TMTC3: variants seen among roughly 807,000 people sequenced by gnomAD.
The protein encoded by TMTC3 is protein O-mannosyl-transferase TMTC3.
Under a neutral mutation model 92.2 loss-of-function variants are expected in TMTC3, and 52 were observed. The observed-to-expected ratio is 0.56, with a 90% confidence interval of 0.45 to 0.71. The LOEUF (loss-of-function observed/expected upper bound fraction) is 0.71. Among genes scored for constraint, TMTC3 ranks in the 30% least tolerant of loss-of-function variants. The probability of loss-of-function intolerance (pLI) is 0.00; values close to 1 mark genes in which losing one functional copy is unlikely to be tolerated. For missense variants in TMTC3, 896 were observed against 1,057.1 expected (o/e 0.85, Z 2.11); for synonymous variants, 339 against 363.3 (o/e 0.93, Z 0.76).
At position 88,148,404 on chromosome 12, in the gene TMTC3, TTGA is replaced by T; in HGVS notation, c.95_97del (p.Asp32del). On this transcript the variant is annotated inframe_deletion, in exon 2 of 14. Coordinates refer to ENST00000266712, the MANE Select transcript of TMTC3 (RefSeq NM_181783.4). ...AACAGCCTCTTTTGTGGTTTTGTTT[TTGA>T]TGATGTTTCAGCAATACTGGATAAC... is the stretch of plus-strand genomic sequence containing the variant. 2 of 1,613,702 alleles carry T rather than the reference TTGA, an allele frequency of 1.2e-6. No homozygotes were observed. Among genetic ancestry groups the T allele is most frequent in the Non-Finnish European group, 1.7e-6 (2 of 1,179,730 alleles).
intron 11 of TMTC3, among the ~76,000 whole-genome samples, chr12:88,189,224 G>T (rs921026764): frequency 2.0e-5 from 3 of 151,608 alleles, no homozygotes; most frequent in African/African-American, 7.3e-5. Flanking sequence ...CTCCCAAGTA[G>T]CTGGGACTAC....
chr12:88,166,259 G>A (rs911140363), intron 6 of TMTC3, 71 bp from the exon 7 acceptor site: 1 of 1,413,430 alleles, frequency 7.1e-7, no homozygotes, highest in African/African-American at 1.5e-5. Flanking sequence ...ATTGTTTAGT[G>A]TTTTACTTAT....
chr12:88,175,714 C>CAAT (rs1204700986), intron 9 of TMTC3, among the ~76,000 whole-genome samples: 1 of 152,160 alleles, frequency 6.6e-6, no homozygotes, highest in Non-Finnish European at 1.5e-5. Context: ...AGTTCCTTGG[C>CAAT]TAGGTGTCAT....
At position 88,192,590 on chromosome 12, in the gene TMTC3, T is replaced by C. The variant is rs1308745565; in HGVS notation, c.1707-14T>C. 13 of 1,582,962 alleles carry C rather than the reference T, an allele frequency of 8.2e-6. No individual in the cohort carries two copies. Among genetic ancestry groups the C allele is most frequent in the Non-Finnish European group, 1.1e-5 (13 of 1,155,208 alleles). On this transcript the variant is annotated splice_polypyrimidine_tract_variant and intron_variant, in intron 12 of 13. Transcript: ENST00000266712. ...TAATGTTGTAAGTAAAGCTTGTGTT[T>C]GATTTTTCCACAGAGGAGAATTGCT... is the stretch of plus-strand genomic sequence containing the variant.
At chr12:88,150,096 G>C (rs558723408) in intron 2 of TMTC3, among the ~76,000 whole-genome samples, 1 of 152,152 alleles carries the variant, frequency 6.6e-6, no homozygotes, top group Non-Finnish European at 1.5e-5. Flanking sequence ...TAATATATAA[G>C]AAAAGAGGTT....
chr12:88,189,961 A>G lies in TMTC3; in HGVS notation c.1537-492A>G, dbSNP rs139844427. ...TACAGTTCAACTTTAAAAAAAATTA[A>G]CTATCCTATCACTATTAATATTACT... On this transcript the variant is annotated intron_variant, in intron 11 of 13. Transcript: ENST00000266712. 3.3e-3 allele frequency among the ~76,000 whole-genome samples: 495 copies of G among 152,126 alleles called. 5 individuals are homozygous for G. Among genetic ancestry groups the G allele is most frequent in the African/African-American group, 0.011 (476 of 41,510 alleles).
chr12:88,173,045 C>T lies in TMTC3; in HGVS notation c.1199+300C>T. ...AGAATAAAGTCTCAAATGACCATTG[C>T]CACTTCCATATTCAGTGAACTAAGA... On this transcript the variant is annotated intron_variant, in intron 8 of 13. Coordinates refer to ENST00000266712, the MANE Select transcript of TMTC3 (RefSeq NM_181783.4). The T allele has an allele frequency of 3.8e-6, 5 of 1,323,814 alleles. 1 individual carries two copies. In the South Asian group the frequency reaches 6.2e-5, roughly 16 times the overall value. 82.0% of individuals were successfully genotyped at this position (1,323,814 alleles called of 1,614,324 possible).
intron 4 of TMTC3, among the ~76,000 whole-genome samples, chr12:88,155,829 G>A (rs567102062): frequency 6.6e-6 from 1 of 151,828 alleles, no homozygotes; most frequent in Non-Finnish European, 1.5e-5. Flanking sequence ...TACTTATTTG[G>A]GCTGGGTGCA....
chr12:88,194,416 A>G (rs1455476644), intron 13 of TMTC3, among the ~76,000 whole-genome samples: 1 of 152,196 alleles, frequency 6.6e-6, no homozygotes, highest in African/African-American at 2.4e-5. Flanking sequence ...ACATACAATT[A>G]TTAGAAAACT....
In TMTC3 at chr12:88,195,015, C is replaced by T. The variant is rs771559238; in HGVS notation, c.2111C>T (p.Ala704Val). The T allele has an allele frequency of 3.1e-6, 5 of 1,613,834 alleles. No individual in the cohort carries two copies. In the East Asian group the frequency reaches 8.9e-5, roughly 29 times the overall value. The change falls in exon 14 of 14, where the codon GCT becomes GTT. Residue 704 changes from alanine to valine, a missense_variant. Transcript: ENST00000266712. ...AIKLQADFRSALFNLALLYSQ... is the reference protein window; with the variant it reads ...AIKLQADFRSVLFNLALLYSQ... ...AAGTTACAAGCCGACTTCCGAAGTG[C>T]TTTGTTTAATCTGGCTCTCCTGTAT...
At chr12:88,167,507 A>AT (rs1293845943) in intron 7 of TMTC3, among the ~76,000 whole-genome samples, 1 of 152,190 alleles carries the variant, frequency 6.6e-6, no homozygotes, top group Non-Finnish European at 1.5e-5. Flanking sequence ...CAGATACATA[A>AT]TTTTTTGCTG....
intron 7 of TMTC3, among the ~76,000 whole-genome samples, chr12:88,171,901 TG>T (rs1481952715): frequency 6.6e-6 from 1 of 152,146 alleles, no homozygotes; most frequent in Non-Finnish European, 1.5e-5. Flanking sequence ...TTCTTACAGG[TG>T]TGCGATGACA....
intron 4 of TMTC3, among the ~76,000 whole-genome samples, chr12:88,159,150 T>A (rs1350971706): frequency 6.6e-6 from 1 of 151,790 alleles, no homozygotes; most frequent in East Asian, 1.9e-4. Flanking sequence ...AATTAGAGAT[T>A]ATAGTTTTTC....
Position 88,172,751 on chromosome 12 carries a change from T to C in TMTC3, c.1199+6T>C. 1 of 1,590,126 alleles carries C rather than the reference T, an allele frequency of 6.3e-7. No homozygotes were observed. The highest frequency in any genetic ancestry group is 8.5e-7 in the Non-Finnish European group (1 of 1,172,052). Reference sequence around the variant, plus strand: ...CAGAAAATATCAACAAAAAGGTGAATTTAAATGTCAGTTCATGTAATGCTT... The same window carrying C: ...CAGAAAATATCAACAAAAAGGTGAACTTAAATGTCAGTTCATGTAATGCTT... On this transcript the variant is annotated splice_donor_region_variant and intron_variant, in intron 8 of 13. Transcript: ENST00000266712.
In TMTC3 at chr12:88,196,314, AT is replaced by A. The variant is rs2041511569; in HGVS notation, c.*670del. 1 of 152,346 alleles carries A rather than the reference AT, an allele frequency of 6.6e-6. No homozygotes were observed. The highest frequency in any genetic ancestry group is 2.4e-5 in the African/African-American group (1 of 41,408). The allele number at this position is 152,346 out of a possible 1,614,324, so 9.4% of individuals were successfully genotyped here. A position where few individuals can be genotyped will look rare whatever the true frequency, so the allele number is the denominator to read the frequency against. On this transcript the variant is annotated 3_prime_UTR_variant, in exon 14 of 14. Coordinates refer to ENST00000266712, the MANE Select transcript of TMTC3 (RefSeq NM_181783.4). Reference sequence around the variant, plus strand: ...GACACATGTATAGCTACATACACACATTTTTAATGGTGCTCATATATACTGT... The same window carrying A: ...GACACATGTATAGCTACATACACACATTTTAATGGTGCTCATATATACTGT...
chr12:88,193,572 T>G (rs1349710179), intron 13 of TMTC3, among the ~76,000 whole-genome samples: 1 of 152,208 alleles, frequency 6.6e-6, no homozygotes, highest in Non-Finnish European at 1.5e-5. Context: ...ACCTTTGAGT[T>G]TGCATTTGCC....
At position 88,195,820 on chromosome 12, in the gene TMTC3, G is replaced by A; in HGVS notation, c.*171G>A. 1 of 496,780 alleles carries A rather than the reference G, an allele frequency of 2.0e-6. No homozygotes were observed. Among genetic ancestry groups the A allele is most frequent in the South Asian group, 4.1e-5 (1 of 24,294 alleles). The allele number at this position is 496,780 out of a possible 1,614,324, so 30.8% of individuals were successfully genotyped here. On this transcript the variant is annotated 3_prime_UTR_variant, in exon 14 of 14. Coordinates refer to ENST00000266712, the MANE Select transcript of TMTC3 (RefSeq NM_181783.4). ...TTAAAGACCTGTATTATCCCAGGAT[G>A]TATATTATGTATCGCTGTTTTCAGA...
rs2041537694 is a variant in TMTC3 at position 88,198,193 on chromosome 12, A to ACAT, written c.*2545_*2547dup. ...TCATTCAAACTGTTCAGGTGAGAAAACATAATGGATTTTTTTTTTTTTCCT... is the reference window on the plus strand; with the variant it reads ...TCATTCAAACTGTTCAGGTGAGAAAACATCATAATGGATTTTTTTTTTTTTCCT... On this transcript the variant is annotated 3_prime_UTR_variant, in exon 14 of 14. Transcript: ENST00000266712. 1 of 395,894 alleles carries ACAT rather than the reference A, an allele frequency of 2.5e-6. No homozygotes were observed. Among genetic ancestry groups the ACAT allele is most frequent in the African/African-American group, 2.1e-5 (1 of 48,554 alleles). The allele number at this position is 395,894 out of a possible 1,614,324, so 24.5% of individuals were successfully genotyped here.
At chr12:88,165,685 T>C (rs2041135249) in intron 6 of TMTC3, among the ~76,000 whole-genome samples, 1 of 152,172 alleles carries the variant, frequency 6.6e-6, no homozygotes, top group South Asian at 2.1e-4. Context: ...AACTATGATA[T>C]AAGCTTATAT....
Sources: gnomAD v4.1 joint callset for allele counts (sites outside exome capture counted in the v4.1 genomes callset) on GRCh38, gnomAD v4.1.1 for gene constraint, MANE v1.5 for transcripts, NCBI Gene and HGNC (gene_info 2026-07-23, HGNC 2026-07-21) for gene names.